The following SUGCT variants were observed in gnomAD, a reference collection of about 807,000 sequenced individuals.
SUGCT encodes the protein succinyl-CoA:glutarate CoA-transferase.
In SUGCT, 41 loss-of-function variants were observed where a neutral mutation model predicts 55.0. That is an observed-to-expected ratio of 0.74 (90% confidence interval 0.58 to 0.97). The LOEUF (loss-of-function observed/expected upper bound fraction) is 0.97, where lower values mean the gene tolerates loss of function less well. SUGCT is among the 50% of genes least tolerant of loss of function. The probability of loss-of-function intolerance (pLI) is 0.00; values close to 1 mark genes in which losing one functional copy is unlikely to be tolerated. For missense variants in SUGCT, 568 were observed against 547.8 expected (o/e 1.04, Z -0.37); for synonymous variants, 187 against 200.4 (o/e 0.93, Z 0.56).
intron 13 of SUGCT, among the ~76,000 whole-genome samples, chr7:40,769,274 T>C (rs1322125507): frequency 6.6e-6 from 1 of 152,162 alleles, no homozygotes. Flanking sequence ...AGAAGCAAAA[T>C]TCAAATTTCT....
the SUGCT span, among the ~76,000 whole-genome samples, chr7:40,898,373 G>C: frequency 0.13 from 19,500 of 151,170 alleles, 1,619 homozygotes; most frequent in East Asian, 0.16. Context: ...GTCAGCAAGA[G>C]CACGAACCCA....
intron 9 of SUGCT, among the ~76,000 whole-genome samples, chr7:40,444,382 G>C (rs1788694481): frequency 6.6e-6 from 1 of 152,058 alleles, no homozygotes; most frequent in South Asian, 2.1e-4. Context: ...ATTTGTTTGT[G>C]TTCTCTTTTA....
the SUGCT span, among the ~76,000 whole-genome samples, chr7:40,896,652 CCATGATTGTA>C: frequency 6.6e-6 from 1 of 152,176 alleles, no homozygotes; most frequent in Non-Finnish European, 1.5e-5. Flanking sequence ...TCCCCTTCCA[CCATGATTGTA>C]AGTTTCCTGA....
At chr7:40,634,918 T>A (rs1261916873) in intron 12 of SUGCT, among the ~76,000 whole-genome samples, 2 of 152,106 alleles carry the variant, frequency 1.3e-5, no homozygotes, top group African/African-American at 4.8e-5. Context: ...TTTCATACAG[T>A]TTAAATGTTT....
In SUGCT at chr7:40,148,303, C is replaced by G. The variant is rs538282275; in HGVS notation, c.100+13183C>G. ...AGAAATTTAGAACTCCTATCTAACA[C>G]AGGCAATTATGTTTCCTAAGAAATA... is the stretch of plus-strand genomic sequence containing the variant. On this transcript the variant is annotated intron_variant, in intron 1 of 13. Transcript: ENST00000335693. 3.3e-5 allele frequency among the ~76,000 whole-genome samples: 5 copies of G among 152,302 alleles called. No individual in the cohort carries two copies. In the East Asian group the frequency reaches 7.7e-4, roughly 24 times the overall value.
At chr7:40,390,456 T>G (rs1166074591) in intron 9 of SUGCT, among the ~76,000 whole-genome samples, 3 of 152,144 alleles carry the variant, frequency 2.0e-5, no homozygotes, top group Non-Finnish European at 4.4e-5. Flanking sequence ...ACAAAATCAA[T>G]GTGCAAAAAT....
intron 12 of SUGCT, among the ~76,000 whole-genome samples, chr7:40,535,325 G>A (rs1489124490): frequency 1.3e-5 from 2 of 151,968 alleles, no homozygotes; most frequent in African/African-American, 4.8e-5. Flanking sequence ...CCCTACCCCC[G>A]GTAGTCCCCA....
At chr7:40,750,874 A>T (rs138997148) in intron 13 of SUGCT, among the ~76,000 whole-genome samples, 1 of 152,192 alleles carries the variant, frequency 6.6e-6, no homozygotes, top group African/African-American at 2.4e-5. Flanking sequence ...TCATCCACTC[A>T]TCTGTATTAC....
At chr7:40,978,316 C>T in the SUGCT span, among the ~76,000 whole-genome samples, 1 of 152,206 alleles carries the variant, frequency 6.6e-6, no homozygotes, top group Admixed American at 6.5e-5. Context: ...GCAGGGGTTG[C>T]TCTCCAGGCT....
chr7:40,967,534 G>A, the SUGCT span, among the ~76,000 whole-genome samples: 4 of 152,044 alleles, frequency 2.6e-5, no homozygotes, highest in Non-Finnish European at 5.9e-5. Context: ...TCAAACTGAA[G>A]TTGAAAAAGT....
the SUGCT span, among the ~76,000 whole-genome samples, chr7:41,012,964 C>A: frequency 2.0e-5 from 3 of 151,612 alleles, no homozygotes; most frequent in African/African-American, 4.8e-5. Flanking sequence ...GTTGCCAGCA[C>A]AGCACCATCT....
At chr7:40,599,198 T>G (rs1798169432) in intron 12 of SUGCT, among the ~76,000 whole-genome samples, 1 of 152,210 alleles carries the variant, frequency 6.6e-6, no homozygotes, top group African/African-American at 2.4e-5. Context: ...ATTTGCTTGC[T>G]ACCCAATATT....
intron 13 of SUGCT, among the ~76,000 whole-genome samples, chr7:40,771,364 A>G (rs1421503314): frequency 6.6e-6 from 1 of 152,216 alleles, no homozygotes; most frequent in Non-Finnish European, 1.5e-5. Context: ...TATCAAGTAG[A>G]CTGATAGTCA....
chr7:40,921,965 A>T, the SUGCT span, among the ~76,000 whole-genome samples: 13 of 152,332 alleles, frequency 8.5e-5, no homozygotes, highest in East Asian at 2.5e-3. Context: ...CATAACATGA[A>T]TATAAATCGT....
intron 12 of SUGCT, among the ~76,000 whole-genome samples, chr7:40,696,371 A>G (rs1784935135): frequency 6.6e-6 from 1 of 152,174 alleles, no homozygotes; most frequent in South Asian, 2.1e-4. Context: ...GGAGCTGTGC[A>G]GCCTGCAACT....
intron 12 of SUGCT, among the ~76,000 whole-genome samples, chr7:40,631,005 A>G (rs1799765131): frequency 6.6e-6 from 1 of 152,178 alleles, no homozygotes; most frequent in Admixed American, 6.5e-5. Context: ...ATTTGACCAC[A>G]TCATCTAGTA....
chr7:40,364,145 T>C (rs1783797426), intron 9 of SUGCT, among the ~76,000 whole-genome samples: 1 of 151,826 alleles, frequency 6.6e-6, no homozygotes, highest in African/African-American at 2.4e-5. Flanking sequence ...ACCCCTGCCT[T>C]TTTTTGTTTT....
chr7:40,459,010 G>A (rs774408718), intron 10 of SUGCT, 91 bp from the exon 11 acceptor site: 2 of 755,604 alleles, frequency 2.6e-6, no homozygotes, highest in Non-Finnish European at 4.5e-6. Flanking sequence ...ATGTTCTTGA[G>A]AAGGGAGAGA....
At chr7:40,841,120 G>A (rs1793258759) in intron 13 of SUGCT, among the ~76,000 whole-genome samples, 1 of 151,604 alleles carries the variant, frequency 6.6e-6, no homozygotes, top group African/African-American at 2.4e-5. Flanking sequence ...AAAATGTCAT[G>A]TGGGAACCTT....
Sources: gnomAD v4.1 joint callset for allele counts (sites outside exome capture counted in the v4.1 genomes callset) on GRCh38, gnomAD v4.1.1 for gene constraint, MANE v1.5 for transcripts, NCBI Gene and HGNC (gene_info 2026-07-23, HGNC 2026-07-21) for gene names.